Variants in MYT1L observed in about 807,000 individuals in gnomAD.
MYT1L encodes myelin transcription factor 1-like protein.
In MYT1L, 12 loss-of-function variants were observed where a neutral mutation model predicts 126.7. The observed-to-expected ratio is 0.09, with a 90% CI of 0.06 to 0.15. MYT1L has a LOEUF of 0.15. Ranked by LOEUF, MYT1L falls within the 10% of genes least tolerant of loss-of-function variation. The pLI is 1.00. For synonymous variants in MYT1L, 541 were observed against 604.2 expected, an observed-to-expected ratio of 0.90 and a Z score of 1.53; for missense variants, 979 against 1,585.2, an observed-to-expected ratio of 0.62 and a Z score of 6.49.
chr2:2,222,341 A>G (rs2093897687), intron 2 of MYT1L, among the ~76,000 whole-genome samples: 1 of 151,886 alleles, frequency 6.6e-6, no homozygotes, highest in Admixed American at 6.6e-5. Flanking sequence ...CTAAAAATAC[A>G]ATTAGCCAGG....
chr2:2,301,715 C>T lies in MYT1L; in HGVS notation c.-520-17212G>A, dbSNP rs2095788937. Among the ~76,000 whole-genome samples the T allele has an allele frequency of 4.0e-5, 6 of 151,620 alleles. No homozygotes were observed. In the South Asian group the frequency reaches 1.2e-3, roughly 32 times the overall value. ...GCATGATGGCACCTGCCTGTAGTCC[C>T]AGCTACTCAGGAGGCTGAGGCTAAT... On this transcript the variant is annotated intron_variant, in intron 1 of 24. Transcript: ENST00000647738.
intron 3 of MYT1L, among the ~76,000 whole-genome samples, chr2:2,087,203 A>G (rs1325038084): frequency 6.6e-6 from 1 of 152,120 alleles, no homozygotes; most frequent in African/African-American, 2.4e-5. Flanking sequence ...AGTCCCCCTG[A>G]TTACAGGTAG....
chr2:2,137,277 T>C (rs376926969), intron 3 of MYT1L, among the ~76,000 whole-genome samples: 3 of 152,182 alleles, frequency 2.0e-5, no homozygotes, highest in Non-Finnish European at 4.4e-5. Flanking sequence ...AGGTAATTTA[T>C]AGATTCAATG....
intron 4 of MYT1L, among the ~76,000 whole-genome samples, chr2:2,005,356 C>T (rs111945617): frequency 0.016 from 2,303 of 140,298 alleles, 48 homozygotes; most frequent in African/African-American, 0.055. Context: ...TTCCTGCATG[C>T]GTTCTTTCCT....
intron 21 of MYT1L, chr2:1,827,630 T>G (rs2039538461): frequency 6.6e-6 from 1 of 152,200 alleles, no homozygotes; most frequent in African/African-American, 2.4e-5. Flanking sequence ...ATTTATTCCC[T>G]GATGATGTGG....
chr2:1,895,180 C>CA (rs2049419013), intron 14 of MYT1L, among the ~76,000 whole-genome samples: 1 of 152,106 alleles, frequency 6.6e-6, no homozygotes, highest in African/African-American at 2.4e-5. Context: ...AGGAGAGCTA[C>CA]AAAACACTGC....
chr2:1,876,841 C>T (rs973513139), intron 18 of MYT1L, among the ~76,000 whole-genome samples: 1 of 152,218 alleles, frequency 6.6e-6, no homozygotes, highest in Non-Finnish European at 1.5e-5. Flanking sequence ...TCTCCCTGCC[C>T]CTCCTCTGCT....
At chr2:2,090,083 G>T (rs1486004167) in intron 3 of MYT1L, among the ~76,000 whole-genome samples, 1 of 152,154 alleles carries the variant, frequency 6.6e-6, no homozygotes, top group East Asian at 1.9e-4. Context: ...CATTATTCAT[G>T]GGAGTCACAT....
chr2:1,920,525 C>T (rs1231401018), intron 10 of MYT1L, among the ~76,000 whole-genome samples: 2 of 152,050 alleles, frequency 1.3e-5, no homozygotes, highest in African/African-American at 4.8e-5. Flanking sequence ...TCAGCCTTCC[C>T]TTGACACAGC....
At position 1,832,940 on chromosome 2, in the gene MYT1L, C is replaced by T. The variant is rs568605690; in HGVS notation, c.3080+6209G>A. Reference sequence around the variant, plus strand: ...CTTCTCTCCTCTAAAGAGCAGGCCACGGTACTCAACTTTGTAAACCAGACC... The same window carrying T: ...CTTCTCTCCTCTAAAGAGCAGGCCATGGTACTCAACTTTGTAAACCAGACC... On this transcript the variant is annotated intron_variant, in intron 21 of 24. Transcript: ENST00000647738. Among the ~76,000 whole-genome samples the T allele has an allele frequency of 1.1e-4, 16 of 152,326 alleles. No individual in the cohort carries two copies. The South Asian group carries it at 1.4e-3, about 14-fold the overall frequency.
intron 3 of MYT1L, among the ~76,000 whole-genome samples, chr2:2,170,304 T>C (rs970376047): frequency 3.3e-5 from 5 of 152,204 alleles, no homozygotes; most frequent in Admixed American, 1.3e-4. Flanking sequence ...CCAAATCTGT[T>C]CTCTACCGAC....
At chr2:2,147,279 G>A (rs376722881) in intron 3 of MYT1L, among the ~76,000 whole-genome samples, 2 of 152,208 alleles carry the variant, frequency 1.3e-5, no homozygotes, top group South Asian at 4.1e-4. Flanking sequence ...GAGCGTTGGT[G>A]TCAAACAAAA....
intron 1 of MYT1L, among the ~76,000 whole-genome samples, chr2:2,295,500 A>T (rs2095657336): frequency 1.3e-5 from 2 of 151,160 alleles, no homozygotes; most frequent in Non-Finnish European, 2.9e-5. Flanking sequence ...GAATGTGGAG[A>T]GTGTGGGGGT....
chr2:2,277,447 G>A (rs189550847), intron 2 of MYT1L, among the ~76,000 whole-genome samples: 182 of 152,346 alleles, frequency 1.2e-3, no homozygotes, highest in Non-Finnish European at 2.0e-3. Flanking sequence ...TGTCCCATAC[G>A]GGAGGAAAGG....
chr2:1,937,753 A>G (rs1255302607), intron 9 of MYT1L, among the ~76,000 whole-genome samples: 1 of 152,150 alleles, frequency 6.6e-6, no homozygotes, highest in Non-Finnish European at 1.5e-5. Context: ...TGGCAAGTCG[A>G]GAAGGCCCTA....
intron 9 of MYT1L, among the ~76,000 whole-genome samples, chr2:1,923,699 C>T (rs1225443317): frequency 6.6e-6 from 1 of 152,186 alleles, no homozygotes. Flanking sequence ...AACTCTGAAG[C>T]AGATGTTTGC....
chr2:2,283,756 A>G (rs2095481336), intron 2 of MYT1L, among the ~76,000 whole-genome samples: 1 of 152,188 alleles, frequency 6.6e-6, no homozygotes, highest in Non-Finnish European at 1.5e-5. Context: ...AGATTTCAAA[A>G]GGGATACAAA....
chr2:1,936,937 G>C (rs1427072348), intron 9 of MYT1L, among the ~76,000 whole-genome samples: 1 of 152,156 alleles, frequency 6.6e-6, no homozygotes, highest in African/African-American at 2.4e-5. Context: ...CACACCCTGG[G>C]AACTTTACCA....
At chr2:1,972,156 G>A (rs1038540871) in intron 8 of MYT1L, among the ~76,000 whole-genome samples, 2 of 152,120 alleles carry the variant, frequency 1.3e-5, no homozygotes, top group African/African-American at 4.8e-5. Context: ...TGGAGGCTGC[G>A]TGCACAGAAT....
Sources: gnomAD v4.1 joint callset for allele counts (sites outside exome capture counted in the v4.1 genomes callset) on GRCh38, gnomAD v4.1.1 for gene constraint, MANE v1.5 for transcripts, NCBI Gene and HGNC (gene_info 2026-07-23, HGNC 2026-07-21) for gene names.